The following PTDSS2 variants were observed in gnomAD, a reference collection of about 807,000 sequenced individuals.
PTDSS2 encodes the protein phosphatidylserine synthase 2.
PTDSS2 carries 41 observed loss-of-function variants against 64.7 expected under a neutral mutation model. The observed-to-expected ratio is 0.63, with a 90% CI of 0.49 to 0.82. The LOEUF (loss-of-function observed/expected upper bound fraction) is 0.82. Among genes scored for constraint, PTDSS2 ranks in the 40% least tolerant of loss-of-function variants. The pLI, the probability that PTDSS2 is intolerant of heterozygous loss-of-function variation, is 0.00. For synonymous variants in PTDSS2, 297 were observed against 277.8 expected (o/e 1.07, Z -0.69); for missense variants, 485 against 650.0 (o/e 0.75, Z 2.76).
rs751760795 is a variant in PTDSS2, at chr11:488,191, G to A, written c.622-8G>A. The A allele has an allele frequency of 2.1e-5, 33 of 1,604,300 alleles. No individual in the cohort carries two copies. The Admixed American group carries it at 2.2e-4, about 11-fold the overall frequency. Reference sequence around the variant, plus strand: ...GTCCCATACTCTGGCTGACCCTGGCGCCCACAGACCCTGATGATCCGAGAC... The same window carrying A: ...GTCCCATACTCTGGCTGACCCTGGCACCCACAGACCCTGATGATCCGAGAC... On this transcript the variant is annotated splice_polypyrimidine_tract_variant and splice_region_variant and intron_variant, in intron 6 of 11. Coordinates refer to ENST00000308020, the MANE Select transcript of PTDSS2 (RefSeq NM_030783.3).
intron 2 of PTDSS2, among the ~76,000 whole-genome samples, chr11:468,575 T>C (rs1847247448): frequency 6.6e-6 from 1 of 152,232 alleles, no homozygotes; most frequent in African/African-American, 2.4e-5. Context: ...TGAGTAACTT[T>C]GGAAATGAGC....
rs533853608 is a variant in PTDSS2, at chr11:461,253, T to G, written c.284+965T>G. 6.6e-6 allele frequency among the ~76,000 whole-genome samples: 1 copy of G among 152,306 alleles called. No homozygotes were observed. Among genetic ancestry groups the G allele is most frequent in the East Asian group, 1.9e-4 (1 of 5,190 alleles). On this transcript the variant is annotated intron_variant, in intron 2 of 11. Transcript: ENST00000308020. The surrounding 1 kb of genome is among the most constrained non-coding windows in gnomAD (Gnocchi z 4.2). The stretch of plus-strand genomic sequence containing the variant: ...TGGGTGGGGTGATGGGTGGGCATGG[T>G]GTGAACGTCATCACGCTTGCACGGG...
At position 461,909 on chromosome 11, in the gene PTDSS2, G is replaced by A. The variant is rs1234317721; in HGVS notation, c.284+1621G>A. On this transcript the variant is annotated intron_variant, in intron 2 of 11. Coordinates refer to ENST00000308020, the MANE Select transcript of PTDSS2 (RefSeq NM_030783.3). This position sits in a 1 kb window ranked among gnomAD's most constrained non-coding sequence, Gnocchi z 4.2. ...CAGTGAGGCAGTGGGCAGGAGCCCCGTGTGTGCCTAGAGGGAGCTTTCAAG... is the reference window on the plus strand; with the variant it reads ...CAGTGAGGCAGTGGGCAGGAGCCCCATGTGTGCCTAGAGGGAGCTTTCAAG... 6.6e-6 allele frequency among the ~76,000 whole-genome samples: 1 copy of A among 152,174 alleles called. No homozygotes were observed. The highest frequency in any genetic ancestry group is 1.9e-4 in the East Asian group (1 of 5,186).
chr11:480,775 C>G (rs1385129066), intron 4 of PTDSS2, among the ~76,000 whole-genome samples: 1 of 152,130 alleles, frequency 6.6e-6, no homozygotes, highest in East Asian at 1.9e-4. Context: ...TCTTGAACTC[C>G]TGACCTCAAA....
chr11:457,732 C>G (rs923089832), intron 1 of PTDSS2, among the ~76,000 whole-genome samples: 6 of 152,308 alleles, frequency 3.9e-5, no homozygotes, highest in Admixed American at 1.3e-4. Context: ...TTTCATCTGT[C>G]TCAGGCCCAC....
chr11:472,404 A>G (rs546474285), intron 2 of PTDSS2, among the ~76,000 whole-genome samples: 21 of 152,328 alleles, frequency 1.4e-4, no homozygotes, highest in African/African-American at 5.1e-4. Flanking sequence ...TGCTGAACCC[A>G]GCAGCGAGGG....
intron 1 of PTDSS2, among the ~76,000 whole-genome samples, chr11:458,468 G>A (rs902554988): frequency 1.4e-5 from 2 of 147,900 alleles, no homozygotes; most frequent in Admixed American, 1.4e-4. Context: ...GCCTCCCAAA[G>A]TGCTGGGATT....
chr11:488,844 G>C (rs750374706), intron 8 of PTDSS2, among the ~76,000 whole-genome samples, 197 bp downstream of exon 8: 9 of 152,202 alleles, frequency 5.9e-5, no homozygotes, highest in Non-Finnish European at 1.3e-4. Context: ...CAGTGGCCAT[G>C]GCGTCTGACC....
rs1278374792 is a variant in PTDSS2, at chr11:479,807, TTTA to T, written c.435+659_435+661del. On this transcript the variant is annotated intron_variant, in intron 4 of 11. Transcript: ENST00000308020. The surrounding 1 kb of genome is among the most constrained non-coding windows in gnomAD (Gnocchi z 4.2). ...CTGTGTTGCTGCTGCAAATGCCTAC[TTTA>T]TTAATACTCTTTGTTCTGTTTAACT... 3.3e-5 allele frequency among the ~76,000 whole-genome samples: 5 copies of T among 152,250 alleles called. No individual in the cohort carries two copies. The highest frequency in any genetic ancestry group is 1.2e-4 in the African/African-American group (5 of 41,462).
intron 4 of PTDSS2, among the ~76,000 whole-genome samples, chr11:486,355 C>T (rs888368821): frequency 6.6e-6 from 1 of 152,200 alleles, no homozygotes; most frequent in Non-Finnish European, 1.5e-5. Flanking sequence ...CCCGTCTGTC[C>T]AGCGGTCCTA....
rs1846867318 is a variant in PTDSS2, at chr11:461,226, G to GT, written c.284+940dup. 6.6e-6 allele frequency among the ~76,000 whole-genome samples: 1 copy of GT among 152,154 alleles called. No homozygotes were observed. Among genetic ancestry groups the GT allele is most frequent in the Non-Finnish European group, 1.5e-5 (1 of 68,020 alleles). ...CAAGAGTCTCGCTATCTTCGTGACT[G>GT]TTGGGTGGGGTGATGGGTGGGCATG... On this transcript the variant is annotated intron_variant, in intron 2 of 11. Coordinates refer to ENST00000308020, the MANE Select transcript of PTDSS2 (RefSeq NM_030783.3). The surrounding 1 kb of genome is among the most constrained non-coding windows in gnomAD (Gnocchi z 4.2).
chr11:450,346 C>T lies in PTDSS2; in HGVS notation c.-110C>T, dbSNP rs1442306323. On this transcript the variant is annotated 5_prime_UTR_variant, in exon 1 of 12. Transcript: ENST00000308020. The stretch of plus-strand genomic sequence containing the variant: ...CTCCTAAGACCCCGCGGGCCAGCGC[C>T]GCGACCCCTTCCCAGCGCTCCTCGC... 2.1e-5 allele frequency: 21 copies of T among 1,013,940 alleles called. No homozygotes were observed. Among genetic ancestry groups the T allele is most frequent in the Non-Finnish European group, 2.4e-5 (19 of 794,802 alleles). 62.8% of individuals were successfully genotyped at this position (1,013,940 alleles called of 1,614,324 possible).
intron 4 of PTDSS2, among the ~76,000 whole-genome samples, chr11:485,936 G>T (rs1328066642): frequency 2.8e-5 from 3 of 109,026 alleles, no homozygotes; most frequent in African/African-American, 8.1e-5. Context: ...CACCGTGCGC[G>T]CAGGCGAGCG....
At position 486,919 on chromosome 11, in the gene PTDSS2, C is replaced by T. The variant is rs368975489; in HGVS notation, c.436-20C>T. The T allele has an allele frequency of 9.3e-5, 148 of 1,595,808 alleles. No individual in the cohort carries two copies. The highest frequency in any genetic ancestry group is 1.2e-4 in the Non-Finnish European group (139 of 1,170,656). On this transcript the variant is annotated intron_variant, in intron 4 of 11. Coordinates refer to ENST00000308020, the MANE Select transcript of PTDSS2 (RefSeq NM_030783.3). ...CCACCACTAACTGTAGCCCCGCTGA[C>T]GGGGGCACTGGCCTTGCAGACTGTC... is the stretch of plus-strand genomic sequence containing the variant.
At position 476,326 on chromosome 11, in the gene PTDSS2, G is replaced by A. The variant is rs1450957262; in HGVS notation, c.367+2349G>A. ...CCCGTCACACAGTGAAAAGCCTGGC[G>A]CCGTGACGGTGAGAAACTGCCCGTC... is the stretch of plus-strand genomic sequence containing the variant. On this transcript the variant is annotated intron_variant, in intron 3 of 11. Coordinates refer to ENST00000308020, the MANE Select transcript of PTDSS2 (RefSeq NM_030783.3). This position sits in a 1 kb window ranked among gnomAD's most constrained non-coding sequence, Gnocchi z 4.9. Among the ~76,000 whole-genome samples, 7 of 152,200 alleles carry A rather than the reference G, an allele frequency of 4.6e-5. No individual in the cohort carries two copies. Among genetic ancestry groups the A allele is most frequent in the African/African-American group, 7.2e-5 (3 of 41,454 alleles).
chr11:488,276 C>T lies in PTDSS2; in HGVS notation c.699C>T (p.His233=), dbSNP rs759277435. The T allele has an allele frequency of 1.2e-6, 2 of 1,613,436 alleles. No homozygotes were observed. The highest frequency in any genetic ancestry group is 1.6e-4 in the Middle Eastern group (1 of 6,062). ...MFEFLEYSLE[H]QLPNFSECWW... The stretch of plus-strand genomic sequence containing the variant: ...AGTTCCTGGAGTACAGCCTGGAGCA[C>T]CAGCTGCCCAACTTCAGCGAGTGCT... Residue 233 remains histidine (H), a synonymous_variant, in exon 7 of 12, where the codon CAC becomes CAT. Transcript: ENST00000308020.
At chr11:450,780 A>G (rs1846281534) in intron 1 of PTDSS2, 143 bp downstream of exon 1, 7 of 756,682 alleles carry the variant, frequency 9.3e-6, no homozygotes, top group Non-Finnish European at 1.3e-5. Flanking sequence ...GTGTGGCAGC[A>G]CCGCCCCCCG....
At chr11:453,822 G>A (rs555643401) in intron 1 of PTDSS2, among the ~76,000 whole-genome samples, 2 of 152,378 alleles carry the variant, frequency 1.3e-5, no homozygotes, top group African/African-American at 4.8e-5. Context: ...ACATGAGAGT[G>A]ACCATCTCCA....
rs560992360 is a variant in PTDSS2 at position 486,993 on chromosome 11, C to T, written c.490C>T (p.Pro164Ser). Residue 164 changes from proline to serine, a missense_variant, in exon 5 of 12, where the codon CCA (proline) becomes TCA (serine). Physicochemically the swap from Pro to Ser is moderately conservative, Grantham distance 74. This residue lies in a region of PTDSS2 where 251 missense variants were observed against 348.0 expected (regional missense o/e 0.72). Transcript: ENST00000308020. ...GTATGTTGACCCCAAGCTGGGAGTC[C>T]CACTGCCAGAGAGAGACTACGGGGG... The part of the protein sequence containing the change: ...LKYVDPKLGV[P>S]LPERDYGGNC... The T allele has an allele frequency of 1.1e-5, 17 of 1,613,348 alleles. No individual in the cohort carries two copies. The South Asian group carries it at 1.5e-4, about 15-fold the overall frequency.
Sources: gnomAD v4.1 joint callset for allele counts (sites outside exome capture counted in the v4.1 genomes callset) on GRCh38, gnomAD v4.1.1 for gene constraint, gnomAD v4.1.1 regional missense constraint, Gnocchi (gnomAD v3.1) non-coding constraint, MANE v1.5 for transcripts, NCBI Gene and HGNC (gene_info 2026-07-23, HGNC 2026-07-21) for gene names.